MED12L: variants seen among roughly 807,000 people sequenced by gnomAD.
The protein encoded by MED12L is mediator complex subunit 12L, also known as mediator of RNA polymerase II transcription subunit 12-like protein.
MED12L carries 60 observed loss-of-function variants against 281.3 expected under a neutral mutation model. The observed-to-expected ratio is 0.21, with a 90% CI of 0.17 to 0.26. The LOEUF is 0.26. Ranked by LOEUF, MED12L falls within the 10% of genes least tolerant of loss-of-function variation. The pLI is 1.00. For synonymous variants in MED12L, 974 were observed against 987.2 expected (o/e 0.99, Z 0.25); for missense variants, 2,146 against 2,680.9 (o/e 0.80, Z 4.41).
chr3:151,261,685 G>GTGTTTTGTTT (rs10627724), intron 16 of MED12L, among the ~76,000 whole-genome samples: 10,192 of 148,676 alleles, frequency 0.069, 593 homozygotes, highest in African/African-American at 0.15. Flanking sequence ...GTGGTACGTG[G>GTGTTTTGTTT]TGTTTTGTTT....
intron 16 of MED12L, among the ~76,000 whole-genome samples, chr3:151,222,689 G>A (rs1320785149): frequency 1.3e-5 from 2 of 152,162 alleles, no homozygotes; most frequent in South Asian, 2.1e-4. Context: ...TCTCAAATAT[G>A]TCTTTATCAG....
chr3:151,251,662 A>G (rs1736883129), intron 16 of MED12L, among the ~76,000 whole-genome samples: 1 of 152,212 alleles, frequency 6.6e-6, no homozygotes, highest in African/African-American at 2.4e-5. Context: ...TATCACAGCA[A>G]CACTCAATTG....
In MED12L at chr3:151,101,101, C is replaced by A. The variant is rs1721331698; in HGVS notation, c.99+14076C>A. On this transcript the variant is annotated intron_variant, in intron 2 of 44. Coordinates refer to ENST00000687756, the MANE Select transcript of MED12L (RefSeq NM_001393769.1). ...TTTTTGCACATTTTATGTTGAGGACCAGTGACAGTATCAGACCACACTCAG... is the reference window on the plus strand; with the variant it reads ...TTTTTGCACATTTTATGTTGAGGACAAGTGACAGTATCAGACCACACTCAG... Among the ~76,000 whole-genome samples the A allele has an allele frequency of 2.0e-5, 3 of 152,120 alleles. No homozygotes were observed. In the South Asian group the frequency reaches 6.2e-4, roughly 32 times the overall value.
chr3:151,268,254 T>TAC (rs1491343390), intron 16 of MED12L, among the ~76,000 whole-genome samples: 2 of 66,408 alleles, frequency 3.0e-5, no homozygotes, highest in South Asian at 7.3e-4. Flanking sequence ...ATTTATTACT[T>TAC]ATATATATAT....
chr3:151,191,194 T>C (rs898788080), intron 14 of MED12L, among the ~76,000 whole-genome samples: 1 of 152,248 alleles, frequency 6.6e-6, no homozygotes, highest in African/African-American at 2.4e-5. Flanking sequence ...ATTGGAATTA[T>C]ATACTTTCAG....
chr3:151,421,270 C>T (rs1399112128), intron 43 of MED12L, among the ~76,000 whole-genome samples: 5 of 152,154 alleles, frequency 3.3e-5, no homozygotes, highest in Admixed American at 6.5e-5. Flanking sequence ...CACCCATTGG[C>T]GAGCACTCAC....
At position 151,435,998 on chromosome 3, in the gene MED12L, T is replaced by C. The variant is rs1389202272; in HGVS notation, c.*3194T>C. 2 of 152,216 alleles carry C rather than the reference T, an allele frequency of 1.3e-5. No homozygotes were observed. Among genetic ancestry groups the C allele is most frequent in the Non-Finnish European group, 2.9e-5 (2 of 68,038 alleles). The allele number at this position is 152,216 out of a possible 1,614,324, so 9.4% of individuals were successfully genotyped here. On this transcript the variant is annotated 3_prime_UTR_variant, in exon 45 of 45. Coordinates refer to ENST00000687756, the MANE Select transcript of MED12L (RefSeq NM_001393769.1). The stretch of plus-strand genomic sequence containing the variant: ...GTTATAAAGAAGTTTCATTGTATTT[T>C]TAAAACCTTTTTAATGGGTGTATTT...
chr3:151,142,303 G>C (rs944474757), intron 5 of MED12L, among the ~76,000 whole-genome samples: 3 of 152,194 alleles, frequency 2.0e-5, no homozygotes. Context: ...TGGGGGAATG[G>C]TGTTTGCTTA....
At chr3:151,157,310 A>G (rs929865397) in intron 6 of MED12L, among the ~76,000 whole-genome samples, 1 of 152,052 alleles carries the variant, frequency 6.6e-6, no homozygotes, top group Admixed American at 6.5e-5. Context: ...TAAAATTTAA[A>G]TGTTCATTAT....
At position 151,268,952 on chromosome 3, in the gene MED12L, AAAG is replaced by A. The variant is rs779243408; in HGVS notation, c.2250+75292_2250+75294del. Among the ~76,000 whole-genome samples, 11 of 152,324 alleles carry A rather than the reference AAAG, an allele frequency of 7.2e-5. No individual in the cohort carries two copies. In the South Asian group the frequency reaches 8.3e-4, roughly 11 times the overall value. Reference sequence around the variant, plus strand: ...GTTTTCTGAGCGTCTTCCTGACGAGAAAGAAGAATTGTGGTCTGGTTCTTGAAC... The same window carrying A: ...GTTTTCTGAGCGTCTTCCTGACGAGAAAGAATTGTGGTCTGGTTCTTGAAC... On this transcript the variant is annotated intron_variant, in intron 16 of 44. Transcript: ENST00000687756.
At chr3:151,400,485 T>C (rs1185263837) in intron 39 of MED12L, among the ~76,000 whole-genome samples, 2 of 152,154 alleles carry the variant, frequency 1.3e-5, no homozygotes, top group African/African-American at 4.8e-5. Context: ...TGCCCAGTTA[T>C]AGCTAGTATA....
At chr3:151,389,880 G>T in intron 37 of MED12L, 99 bp from the exon 38 acceptor site, 1 of 1,150,182 alleles carries the variant, frequency 8.7e-7, no homozygotes, top group East Asian at 2.4e-5. Flanking sequence ...TTGTACATTG[G>T]GATAGGAGGT....
chr3:151,317,435 A>ATTTTTT (rs1748411128), intron 16 of MED12L, among the ~76,000 whole-genome samples: 11 of 54,546 alleles, frequency 2.0e-4, no homozygotes, highest in South Asian at 6.0e-4. Context: ...TAATCATATC[A>ATTTTTT]CTTTTTTTTT....
intron 2 of MED12L, among the ~76,000 whole-genome samples, chr3:151,098,030 G>T (rs1320985940): frequency 6.6e-6 from 1 of 152,214 alleles, no homozygotes; most frequent in African/African-American, 2.4e-5. Flanking sequence ...ACATGCAAAG[G>T]GTCGCAGGAC....
At position 151,436,642 on chromosome 3, in the gene MED12L, C is replaced by T. The variant is rs1577654736; in HGVS notation, c.*3838C>T. On this transcript the variant is annotated 3_prime_UTR_variant, in exon 45 of 45. Coordinates refer to ENST00000687756, the MANE Select transcript of MED12L (RefSeq NM_001393769.1). ...ATGGCTGCCTTTGATTAAACTTCTTCCAAAAAATAAATTCTGCCCAGATGT... is the reference window on the plus strand; with the variant it reads ...ATGGCTGCCTTTGATTAAACTTCTTTCAAAAAATAAATTCTGCCCAGATGT... 7.3e-7 allele frequency: 1 copy of T among 1,376,302 alleles called. No individual in the cohort carries two copies. The highest frequency in any genetic ancestry group is 1.0e-6 in the Non-Finnish European group (1 of 1,004,094). The allele number at this position is 1,376,302 out of a possible 1,614,324, so 85.3% of individuals were successfully genotyped here. A position where few individuals can be genotyped will look rare whatever the true frequency, so the allele number is the denominator to read the frequency against.
chr3:151,337,922 G>A, intron 16 of MED12L: 1 of 1,614,074 alleles, frequency 6.2e-7, no homozygotes, highest in Non-Finnish European at 8.5e-7. Context: ...TACTTATCAA[G>A]GAATTTCTGA....
intron 16 of MED12L, among the ~76,000 whole-genome samples, chr3:151,282,459 T>A (rs1222722259): frequency 6.6e-6 from 1 of 152,128 alleles, no homozygotes; most frequent in East Asian, 1.9e-4. Flanking sequence ...AGGATTCCAC[T>A]GGTTGTTGAG....
At chr3:151,177,906 T>C (rs73155795) in intron 11 of MED12L, among the ~76,000 whole-genome samples, 3 of 152,118 alleles carry the variant, frequency 2.0e-5, no homozygotes, top group African/African-American at 7.2e-5. Context: ...GCCTATAGTT[T>C]GTTATTTTTT....
chr3:151,212,948 T>A, intron 16 of MED12L: 1 of 155,002 alleles, frequency 6.5e-6, no homozygotes, highest in Admixed American at 6.5e-5. Context: ...CCTGAGTGAG[T>A]TGTCTTTGAT....
Sources: gnomAD v4.1 joint callset for allele counts (sites outside exome capture counted in the v4.1 genomes callset) on GRCh38, gnomAD v4.1.1 for gene constraint, MANE v1.5 for transcripts, NCBI Gene and HGNC (gene_info 2026-07-23, HGNC 2026-07-21) for gene names.